The following EPHA3 variants were observed in gnomAD, a reference collection of about 807,000 sequenced individuals.
The protein encoded by EPHA3 is EPH receptor A3.
EPHA3 carries 42 observed loss-of-function variants against 107.1 expected under a neutral mutation model. That is an observed-to-expected ratio of 0.39 (90% CI 0.31 to 0.51). The LOEUF (loss-of-function observed/expected upper bound fraction) is 0.51, where lower values mean the gene tolerates loss of function less well. Among genes scored for constraint, EPHA3 ranks in the 20% least tolerant of loss-of-function variants. The pLI, the probability that EPHA3 is intolerant of heterozygous loss-of-function variation, is 0.78. For synonymous variants in EPHA3, 461 were observed against 424.8 expected (o/e 1.09, Z -1.05); for missense variants, 1,183 against 1,211.2 (o/e 0.98, Z 0.35).
chr3:89,417,635 A>C (rs1373162319), intron 10 of EPHA3, among the ~76,000 whole-genome samples: 1 of 151,362 alleles, frequency 6.6e-6, no homozygotes, highest in Non-Finnish European at 1.5e-5. Flanking sequence ...CTTCCTTCGA[A>C]TTAGCAAGAT....
chr3:89,361,555 A>C (rs749544044), intron 5 of EPHA3, among the ~76,000 whole-genome samples: 2 of 151,076 alleles, frequency 1.3e-5, no homozygotes, highest in Non-Finnish European at 3.0e-5. Context: ...TTTGAATTTC[A>C]AACATTCCTA....
At chr3:89,202,109 A>G (rs1374917420) in intron 2 of EPHA3, among the ~76,000 whole-genome samples, 2 of 151,930 alleles carry the variant, frequency 1.3e-5, no homozygotes, top group South Asian at 2.1e-4. Context: ...TCCTTTCTCA[A>G]TAACTCCTTG....
intron 3 of EPHA3, among the ~76,000 whole-genome samples, chr3:89,320,900 C>T (rs567463660): frequency 2.0e-5 from 3 of 151,940 alleles, no homozygotes; most frequent in African/African-American, 4.8e-5. Flanking sequence ...GAGAAGATTC[C>T]TAAGACAGAA....
intron 2 of EPHA3, among the ~76,000 whole-genome samples, chr3:89,127,487 A>G (rs889642649): frequency 3.3e-5 from 5 of 151,946 alleles, no homozygotes; most frequent in African/African-American, 9.7e-5. Flanking sequence ...TAATTTATCA[A>G]TTGCTTGAAT....
chr3:89,437,178 C>T (rs1709689157), intron 13 of EPHA3, among the ~76,000 whole-genome samples: 1 of 152,078 alleles, frequency 6.6e-6, no homozygotes, highest in Admixed American at 6.6e-5. Flanking sequence ...GTTATAGATA[C>T]TTTACTAGGA....
At chr3:89,411,082 G>A (rs141463314) in intron 9 of EPHA3, among the ~76,000 whole-genome samples, 71 of 151,512 alleles carry the variant, frequency 4.7e-4, no homozygotes, top group Middle Eastern at 6.8e-3. Context: ...CAATAAAAAC[G>A]CTCATTAGGG....
intron 3 of EPHA3, among the ~76,000 whole-genome samples, chr3:89,315,694 C>A (rs566126481): frequency 4.0e-5 from 6 of 151,158 alleles, no homozygotes; most frequent in African/African-American, 7.3e-5. Context: ...TTTCTTCAGG[C>A]CTCATGCTGG....
intron 5 of EPHA3, among the ~76,000 whole-genome samples, chr3:89,349,946 C>G (rs1453191764): frequency 2.0e-5 from 3 of 148,918 alleles, no homozygotes; most frequent in African/African-American, 7.5e-5. Flanking sequence ...ATATTGGCCC[C>G]CACTCTCTTC....
intron 3 of EPHA3, among the ~76,000 whole-genome samples, chr3:89,291,189 T>C (rs575135560): frequency 2.0e-5 from 3 of 152,318 alleles, no homozygotes; most frequent in Non-Finnish European, 4.4e-5. Context: ...TCTCCTCTAA[T>C]ATCATCATAT....
intron 1 of EPHA3, among the ~76,000 whole-genome samples, chr3:89,122,630 G>A (rs1707415717): frequency 6.6e-6 from 1 of 152,134 alleles, no homozygotes; most frequent in African/African-American, 2.4e-5. Context: ...GTGAATATTA[G>A]TTTCACTCTC....
intron 5 of EPHA3, among the ~76,000 whole-genome samples, chr3:89,346,697 C>T (rs1707664999): frequency 6.6e-6 from 1 of 150,766 alleles, no homozygotes; most frequent in South Asian, 2.1e-4. Flanking sequence ...TTGCCCATGC[C>T]TATGTCCTGA....
At chr3:89,223,007 A>T (rs910114080) in intron 3 of EPHA3, among the ~76,000 whole-genome samples, 3 of 152,146 alleles carry the variant, frequency 2.0e-5, no homozygotes, top group African/African-American at 7.2e-5. Context: ...TTAGTCTTTT[A>T]ACCTTTACAA....
chr3:89,134,290 C>T (rs1232238136), intron 2 of EPHA3, among the ~76,000 whole-genome samples: 1 of 151,690 alleles, frequency 6.6e-6, no homozygotes, highest in Non-Finnish European at 1.5e-5. Flanking sequence ...CACATGTATA[C>T]ACGTGCCATG....
intron 5 of EPHA3, among the ~76,000 whole-genome samples, chr3:89,361,837 A>C (rs576857386): frequency 6.6e-6 from 1 of 151,256 alleles, no homozygotes; most frequent in South Asian, 2.1e-4. Flanking sequence ...TCATGGTTTA[A>C]TAATTCCCTC....
chr3:89,158,270 A>G (rs946919904), intron 2 of EPHA3, among the ~76,000 whole-genome samples: 1 of 152,104 alleles, frequency 6.6e-6, no homozygotes. Flanking sequence ...ATGCGTCTTT[A>G]AAAGTAGATT....
intron 2 of EPHA3, among the ~76,000 whole-genome samples, chr3:89,162,000 T>G (rs186822244): frequency 6.7e-6 from 1 of 150,202 alleles, no homozygotes; most frequent in African/African-American, 2.4e-5. Context: ...ATAATAATAG[T>G]AATAATAATA....
At chr3:89,174,511 A>T (rs1447329706) in intron 2 of EPHA3, among the ~76,000 whole-genome samples, 1 of 152,064 alleles carries the variant, frequency 6.6e-6, no homozygotes, top group Non-Finnish European at 1.5e-5. Context: ...TACATAATGT[A>T]CATATCACTT....
intron 16 of EPHA3, among the ~76,000 whole-genome samples, chr3:89,474,204 A>T (rs1710461690): frequency 6.6e-6 from 1 of 152,180 alleles, no homozygotes; most frequent in Non-Finnish European, 1.5e-5. Flanking sequence ...AGAAAGACAT[A>T]AAGCCAAAGA....
chr3:89,110,224 A>G (rs1415149440), intron 1 of EPHA3, among the ~76,000 whole-genome samples: 1 of 152,004 alleles, frequency 6.6e-6, no homozygotes, highest in Admixed American at 6.6e-5. Flanking sequence ...TAAAAAATTT[A>G]TGAGAAATTT....
Sources: allele counts gnomAD v4.1 joint callset (sites outside exome capture counted in the v4.1 genomes callset), GRCh38; gene constraint gnomAD v4.1.1; transcripts MANE v1.5; gene names NCBI Gene and HGNC (gene_info 2026-07-23, HGNC 2026-07-21).